The following TACC2 variants were observed in gnomAD, a reference collection of about 807,000 sequenced individuals.
TACC2 encodes the protein transforming acidic coiled-coil containing protein 2.
TACC2 carries 137 observed loss-of-function variants against 227.3 expected under a neutral mutation model. The ratio of observed to expected loss-of-function variants is 0.60; its 90% CI spans 0.52 to 0.69. The LOEUF (loss-of-function observed/expected upper bound fraction) is 0.69, where lower values mean the gene tolerates loss of function less well. TACC2 is among the 30% of genes least tolerant of loss of function. The probability of loss-of-function intolerance (pLI) is 0.00; values close to 1 mark genes in which losing one functional copy is unlikely to be tolerated. For synonymous variants in TACC2, 1,523 were observed against 1,487.5 expected, an observed-to-expected ratio of 1.02 and a Z score of -0.55; for missense variants, 3,470 against 3,694.4, an observed-to-expected ratio of 0.94 and a Z score of 1.57.
At chr10:122,106,128 C>A (rs1938373244) in intron 5 of TACC2, among the ~76,000 whole-genome samples, 1 of 151,600 alleles carries the variant, frequency 6.6e-6, no homozygotes, top group South Asian at 2.1e-4. Context: ...GCTGGGTTTA[C>A]AGGCGTCCAC....
At chr10:122,233,248 T>C (rs1456447936) in intron 16 of TACC2, among the ~76,000 whole-genome samples, 1 of 152,202 alleles carries the variant, frequency 6.6e-6, no homozygotes. Context: ...CCAAGGTCAC[T>C]GGAAATGTGG....
intron 5 of TACC2, among the ~76,000 whole-genome samples, chr10:122,113,545 TC>T (rs1260061421): frequency 6.6e-6 from 1 of 151,534 alleles, no homozygotes; most frequent in Non-Finnish European, 1.5e-5. Flanking sequence ...GCGGTTGGGG[TC>T]CCCGCGCGTG....
intron 5 of TACC2, among the ~76,000 whole-genome samples, chr10:122,132,034 AAG>A (rs1462270193): frequency 3.6e-3 from 4 of 1,100 alleles, no homozygotes; most frequent in South Asian, 0.1. Flanking sequence ...AAGAAAGAAA[AAG>A]AAAGAAAGAA....
At chr10:122,008,843 G>A (rs1229977305) in intron 1 of TACC2, among the ~76,000 whole-genome samples, 1 of 152,226 alleles carries the variant, frequency 6.6e-6, no homozygotes, top group Non-Finnish European at 1.5e-5. Flanking sequence ...AAAGTGCTGG[G>A]ATAACAGGCA....
intron 5 of TACC2, among the ~76,000 whole-genome samples, chr10:122,115,073 A>G (rs1373390333): frequency 2.0e-5 from 3 of 152,236 alleles, no homozygotes; most frequent in Non-Finnish European, 4.4e-5. Context: ...CTCTGCGCCA[A>G]GTCCTGCGGC....
At chr10:122,149,013 C>A (rs536515215) in intron 7 of TACC2, among the ~76,000 whole-genome samples, 4 of 152,356 alleles carry the variant, frequency 2.6e-5, no homozygotes, top group Admixed American at 6.5e-5. Flanking sequence ...CAGCAGGTCA[C>A]CCTGACTTTT....
chr10:122,103,272 G>T (rs2082376252), intron 5 of TACC2, among the ~76,000 whole-genome samples: 1 of 152,156 alleles, frequency 6.6e-6, no homozygotes, highest in African/African-American at 2.4e-5. Flanking sequence ...GACTGGTTAG[G>T]AGTTTGAGTT....
intron 7 of TACC2, among the ~76,000 whole-genome samples, chr10:122,187,455 G>A (rs1593091998): frequency 6.6e-6 from 1 of 152,152 alleles, no homozygotes; most frequent in African/African-American, 2.4e-5. Context: ...TGGTCTGCTT[G>A]CTAGCAGAAT....
At chr10:122,048,134 C>T (rs751136397) in intron 2 of TACC2, among the ~76,000 whole-genome samples, 3 of 152,198 alleles carry the variant, frequency 2.0e-5, no homozygotes, top group Non-Finnish European at 2.9e-5. Flanking sequence ...GATTTGCTTT[C>T]ACATGTCCTG....
chr10:122,245,129 GT>G (rs2096081458), intron 19 of TACC2: 1 of 152,150 alleles, frequency 6.6e-6, no homozygotes, highest in South Asian at 2.1e-4. Flanking sequence ...CCCTTTGTTT[GT>G]TTGTTTTTCT....
intron 6 of TACC2, among the ~76,000 whole-genome samples, chr10:122,136,570 T>TA (rs2089705757): frequency 6.7e-6 from 1 of 149,148 alleles, no homozygotes; most frequent in Admixed American, 6.7e-5. Flanking sequence ...TATATATATA[T>TA]TAGATGTAGT....
chr10:122,155,713 G>GT (rs2092415952), intron 7 of TACC2, among the ~76,000 whole-genome samples: 1 of 151,942 alleles, frequency 6.6e-6, no homozygotes, highest in African/African-American at 2.4e-5. Flanking sequence ...CTTAAACACA[G>GT]TTTATAAAGG....
intron 1 of TACC2, among the ~76,000 whole-genome samples, chr10:122,001,426 C>T (rs986802051): frequency 6.6e-6 from 1 of 152,054 alleles, no homozygotes; most frequent in African/African-American, 2.4e-5. Context: ...CACAAGAGCA[C>T]CATGGGAAAG....
At position 122,164,083 on chromosome 10, in the gene TACC2, C is replaced by A. The variant is rs561680565; in HGVS notation, c.5834+20377C>A. On this transcript the variant is annotated intron_variant, in intron 7 of 22. Coordinates refer to ENST00000369005, the MANE Select transcript of TACC2 (RefSeq NM_206862.4). ...AGTGTCGCCTTTCCTAATGCCTGTG[C>A]AACCTGGAGCCCAGGCTGGCCTGGG... is the stretch of plus-strand genomic sequence containing the variant. The A allele has an allele frequency of 8.2e-6, 12 of 1,455,710 alleles. No individual in the cohort carries two copies. The African/African-American group carries it at 1.5e-4, about 19-fold the overall frequency. The allele number at this position is 1,455,710 out of a possible 1,614,324, so 90.2% of individuals were successfully genotyped here.
chr10:122,048,415 C>CCCTTCCTTCCTTCCCTCCCTT lies in TACC2; in HGVS notation c.34-2013_34-2012insTTCCCTCCCTTCCTTCCTTCC, dbSNP rs113720293. 1.5e-5 allele frequency among the ~76,000 whole-genome samples: 2 copies of CCCTTCCTTCCTTCCCTCCCTT among 131,340 alleles called. 1 individual carries two copies. Among genetic ancestry groups the CCCTTCCTTCCTTCCCTCCCTT allele is most frequent in the South Asian group, 5.3e-4 (2 of 3,744 alleles). 86.2% of individuals were successfully genotyped at this position (131,340 alleles called of 152,430 possible). A position where few individuals can be genotyped will look rare whatever the true frequency, so the allele number is the denominator to read the frequency against. ...CCCTTTCCTTCCTTCCTCCCTCCCT[C>CCCTTCCTTCCTTCCCTCCCTT]CCTTCCTTCCCTCCTTGCTTCCTCC... is the stretch of plus-strand genomic sequence containing the variant. On this transcript the variant is annotated intron_variant, in intron 2 of 22. Transcript: ENST00000369005.
At chr10:122,041,639 GT>G (rs1651548572) in intron 2 of TACC2, among the ~76,000 whole-genome samples, 2 of 152,090 alleles carry the variant, frequency 1.3e-5, no homozygotes, top group Non-Finnish European at 2.9e-5. Flanking sequence ...TGGAGACAGG[GT>G]TTCACCGTGT....
chr10:122,015,981 G>C (rs1956557981), intron 1 of TACC2, among the ~76,000 whole-genome samples: 1 of 151,300 alleles, frequency 6.6e-6, no homozygotes, highest in Admixed American at 6.6e-5. Flanking sequence ...AAAAATCAGT[G>C]GGGGTATGGT....
intron 7 of TACC2, among the ~76,000 whole-genome samples, chr10:122,179,500 C>T (rs2093884386): frequency 6.6e-6 from 1 of 152,214 alleles, no homozygotes; most frequent in Non-Finnish European, 1.5e-5. Flanking sequence ...GATCTCAGAT[C>T]TTTCCTTGAT....
intron 7 of TACC2, among the ~76,000 whole-genome samples, chr10:122,144,406 A>C (rs945368860): frequency 1.3e-5 from 2 of 152,224 alleles, no homozygotes; most frequent in Non-Finnish European, 2.9e-5. Context: ...GTTTCCATGC[A>C]AGCAGTTGGT....
Sources: gnomAD v4.1 joint callset for allele counts (sites outside exome capture counted in the v4.1 genomes callset) on GRCh38, gnomAD v4.1.1 for gene constraint, MANE v1.5 for transcripts, NCBI Gene and HGNC (gene_info 2026-07-23, HGNC 2026-07-21) for gene names.